The following IL33 variants were observed in gnomAD, a reference collection of about 807,000 sequenced individuals.
The protein encoded by IL33 is interleukin-33.
A neutral mutation model predicts 27.3 loss-of-function variants in IL33; 37 were observed. The observed-to-expected ratio is 1.36, with a 90% confidence interval of 1.04 to 1.78. The LOEUF is 1.78. Among genes scored for constraint, IL33 ranks in the 40% most tolerant of loss-of-function variants. The probability of loss-of-function intolerance (pLI) is 0.00; values close to 1 mark genes in which losing one functional copy is unlikely to be tolerated. For synonymous variants in IL33, 132 were observed against 102.9 expected, an observed-to-expected ratio of 1.28 and a Z score of -1.71; for missense variants, 406 against 311.4, an observed-to-expected ratio of 1.30 and a Z score of -2.29.
chr9:6,225,483 C>T (rs530877016), intron 1 of IL33, among the ~76,000 whole-genome samples: 2 of 152,086 alleles, frequency 1.3e-5, no homozygotes, highest in Admixed American at 6.6e-5. Flanking sequence ...GAAGACCCTC[C>T]GCCGGCTCTG....
chr9:6,230,087 G>A (rs1248931697), intron 1 of IL33, among the ~76,000 whole-genome samples: 1 of 152,134 alleles, frequency 6.6e-6, no homozygotes, highest in Non-Finnish European at 1.5e-5. Context: ...AAGTAAGGTT[G>A]GAAAAGTTGA....
chr9:6,235,840 T>C (rs1011453999), intron 1 of IL33, among the ~76,000 whole-genome samples: 1 of 152,202 alleles, frequency 6.6e-6, no homozygotes, highest in Non-Finnish European at 1.5e-5. Context: ...TCCCCTGGAT[T>C]GTTCACAAAA....
intron 1 of IL33, among the ~76,000 whole-genome samples, chr9:6,228,581 G>C (rs1466360531): frequency 3.3e-5 from 5 of 151,790 alleles, no homozygotes; most frequent in African/African-American, 7.3e-5. Flanking sequence ...CAACAGCCAG[G>C]CATGGTGGCT....
intron 1 of IL33, among the ~76,000 whole-genome samples, chr9:6,238,801 G>C (rs1000765312): frequency 1.3e-5 from 2 of 152,170 alleles, no homozygotes; most frequent in Non-Finnish European, 2.9e-5. Flanking sequence ...TTTAAGACTG[G>C]AGAAGAAGTC....
chr9:6,233,197 C>G (rs1819009967), intron 1 of IL33, among the ~76,000 whole-genome samples: 1 of 152,162 alleles, frequency 6.6e-6, no homozygotes, highest in African/African-American at 2.4e-5. Context: ...CTCTAAGGAT[C>G]TGTTTCAGAT....
At chr9:6,253,731 A>G in intron 6 of IL33, 129 bp downstream of exon 6, 1 of 626,436 alleles carries the variant, frequency 1.6e-6, no homozygotes. Flanking sequence ...ACCCAAGCTC[A>G]TGGTAAAACC....
intron 1 of IL33, among the ~76,000 whole-genome samples, chr9:6,239,080 G>A (rs1819386970): frequency 6.6e-6 from 1 of 152,112 alleles, no homozygotes; most frequent in African/African-American, 2.4e-5. Context: ...GGCAAATAGG[G>A]CAAAGTCCTC....
intron 1 of IL33, among the ~76,000 whole-genome samples, chr9:6,233,705 A>G (rs1039860513): frequency 3.3e-5 from 5 of 152,176 alleles, no homozygotes; most frequent in Admixed American, 3.3e-4. Context: ...AACAGTTATT[A>G]TGAAAATTTT....
At chr9:6,247,724 G>A (rs1323208500) in intron 2 of IL33, among the ~76,000 whole-genome samples, 2 of 151,950 alleles carry the variant, frequency 1.3e-5, no homozygotes, top group African/African-American at 4.8e-5. Flanking sequence ...ACATGTCCAG[G>A]CCAGCTTTGC....
chr9:6,253,321 C>A lies in IL33; in HGVS notation c.470-231C>A, dbSNP rs1165443096. Among the ~76,000 whole-genome samples, 5 of 152,292 alleles carry A rather than the reference C, an allele frequency of 3.3e-5. No homozygotes were observed. The South Asian group carries it at 8.3e-4, about 25-fold the overall frequency. ...CCTATTAGTATCACCAAAGTACAAC[C>A]TTTATGCCACTGCTATGAAAAATAT... On this transcript the variant is annotated intron_variant, in intron 5 of 7. Transcript: ENST00000682010.
At chr9:6,227,019 C>T (rs557624204) in intron 1 of IL33, among the ~76,000 whole-genome samples, 18 of 152,242 alleles carry the variant, frequency 1.2e-4, no homozygotes, top group African/African-American at 4.3e-4. Context: ...TGGAAGCACA[C>T]AAGTAGTTTG....
chr9:6,255,859 A>T, intron 7 of IL33, 109 bp from the exon 8 acceptor site: 1 of 850,914 alleles, frequency 1.2e-6, no homozygotes, highest in Non-Finnish European at 1.9e-6. Flanking sequence ...GCTTGCTAGA[A>T]ATATCAAGTC....
Position 6,256,014 on chromosome 9 carries a change from T to C in IL33, c.659T>C (p.Leu220Pro). 2 of 1,613,766 alleles carry C rather than the reference T, an allele frequency of 1.2e-6. No individual in the cohort carries two copies. Among genetic ancestry groups the C allele is most frequent in the Non-Finnish European group, 1.7e-6 (2 of 1,179,706 alleles). The change falls in exon 8 of 8, where the codon CTT becomes CCT. Residue 220 changes from leucine (L) to proline (P), a missense_variant. Transcript: ENST00000682010. ...CTGCCAGACCAGGCCTTCTTTGTCC[T>C]TCATAATATGCACTCCAACTGTGTT... ...KPLPDQAFFV[L>P]HNMHSNCVSF...
intron 1 of IL33, among the ~76,000 whole-genome samples, chr9:6,232,246 G>T (rs973368623): frequency 5.3e-5 from 8 of 152,190 alleles, no homozygotes; most frequent in African/African-American, 1.7e-4. Context: ...GGCATGCAAA[G>T]GGTGCTCAAT....
chr9:6,231,424 C>T (rs1439510478), intron 1 of IL33, among the ~76,000 whole-genome samples: 2 of 152,164 alleles, frequency 1.3e-5, no homozygotes, highest in Non-Finnish European at 1.5e-5. Context: ...GGGCCTTTGC[C>T]CCTGAGGTTT....
rs377757346 is a variant in IL33 at position 6,250,526 on chromosome 9, C to T, written c.144C>T (p.Arg48=). Residue 48 remains arginine, a synonymous_variant, in exon 3 of 8, where the codon CGC becomes CGT. Transcript: ENST00000682010. The part of the protein sequence containing the change: ...EVCPMYFMKL[R]SGLMIKKEAC... Reference sequence around the variant, plus strand: ...GCCCCATGTACTTTATGAAGCTCCGCTCTGGCCTTATGATAAAAAAGGAGG... The same window carrying T: ...GCCCCATGTACTTTATGAAGCTCCGTTCTGGCCTTATGATAAAAAAGGAGG... 6.2e-7 allele frequency: 1 copy of T among 1,613,902 alleles called. No homozygotes were observed. The highest frequency in any genetic ancestry group is 1.3e-5 in the African/African-American group (1 of 74,924).
At chr9:6,233,542 A>C (rs1296068350) in intron 1 of IL33, among the ~76,000 whole-genome samples, 2 of 152,166 alleles carry the variant, frequency 1.3e-5, no homozygotes, top group African/African-American at 4.8e-5. Context: ...TCACATCCCA[A>C]TATAAACCTC....
At chr9:6,255,358 T>C (rs185164284) in intron 7 of IL33, among the ~76,000 whole-genome samples, 3 of 152,210 alleles carry the variant, frequency 2.0e-5, no homozygotes, top group Admixed American at 2.0e-4. Flanking sequence ...CCTAAACATA[T>C]ATAATCTAGT....
At chr9:6,247,627 G>A (rs779114098) in intron 2 of IL33, among the ~76,000 whole-genome samples, 4 of 152,054 alleles carry the variant, frequency 2.6e-5, no homozygotes, top group South Asian at 4.2e-4. Flanking sequence ...GAGCAGGCAG[G>A]ATAGAGACAT....
Sources: allele counts gnomAD v4.1 joint callset (sites outside exome capture counted in the v4.1 genomes callset), GRCh38; gene constraint gnomAD v4.1.1; transcripts MANE v1.5; gene names NCBI Gene and HGNC (gene_info 2026-07-23, HGNC 2026-07-21).